PPARGC1A: variants seen among roughly 807,000 people sequenced by gnomAD.
The protein encoded by PPARGC1A is PPARG coactivator 1 alpha.
In PPARGC1A, 25 loss-of-function variants were observed where a neutral mutation model predicts 88.7. The observed-to-expected ratio is 0.28, with a 90% CI of 0.21 to 0.39. PPARGC1A has a LOEUF of 0.39. PPARGC1A is among the 10% of genes least tolerant of loss of function. The probability of loss-of-function intolerance (pLI) is 1.00; values close to 1 mark genes in which losing one functional copy is unlikely to be tolerated. For synonymous variants in PPARGC1A, 363 were observed against 355.6 expected (o/e 1.02, Z -0.24); for missense variants, 880 against 968.7 (o/e 0.91, Z 1.22).
At chr4:24,320,287 A>T in the PPARGC1A span, among the ~76,000 whole-genome samples, 1 of 152,212 alleles carries the variant, frequency 6.6e-6, no homozygotes, top group Non-Finnish European at 1.5e-5. Context: ...GAAGGAAGAA[A>T]AGTTTGTATC....
At chr4:23,906,607 CAAAAA>C (rs35171233), upstream of PPARGC1A, among the ~76,000 whole-genome samples, 2 of 63,726 alleles carry the variant, frequency 3.1e-5, no homozygotes, top group African/African-American at 8.6e-5. Flanking sequence ...CTCTGTCTCA[CAAAAA>C]AAAAAAAAAA....
the PPARGC1A span, among the ~76,000 whole-genome samples, chr4:24,164,630 T>A: frequency 2.0e-5 from 3 of 152,278 alleles, no homozygotes; most frequent in East Asian, 5.8e-4. Flanking sequence ...AAGGGGTTGA[T>A]TTGATTTTGT....
At chr4:24,175,550 T>TC in the PPARGC1A span, among the ~76,000 whole-genome samples, 1 of 146,358 alleles carries the variant, frequency 6.8e-6, no homozygotes, top group African/African-American at 2.5e-5. Context: ...TTTTTTTTTT[T>TC]TTTTTTTTTG....
intron 2 of PPARGC1A, among the ~76,000 whole-genome samples, chr4:23,872,857 G>T (rs933060415): frequency 1.3e-5 from 2 of 152,148 alleles, no homozygotes; most frequent in Non-Finnish European, 2.9e-5. Flanking sequence ...TGTTGCAAAA[G>T]TTGGAAACTG....
chr4:24,021,770 T>C, the PPARGC1A span, among the ~76,000 whole-genome samples: 3 of 152,154 alleles, frequency 2.0e-5, no homozygotes, highest in East Asian at 5.8e-4. Context: ...ACAGGAGAAG[T>C]GTTCAGCACA....
the PPARGC1A span, among the ~76,000 whole-genome samples, chr4:24,181,070 C>T: frequency 6.6e-6 from 1 of 152,102 alleles, no homozygotes; most frequent in Non-Finnish European, 1.5e-5. Flanking sequence ...CAATTACTGC[C>T]CAAATTCAAG....
the PPARGC1A span, among the ~76,000 whole-genome samples, chr4:24,199,028 C>T: frequency 2.0e-5 from 3 of 152,142 alleles, no homozygotes; most frequent in Non-Finnish European, 4.4e-5. Flanking sequence ...TCTCTGCCAC[C>T]CTACTCTTCC....
chr4:23,911,734 A>G, the PPARGC1A span, among the ~76,000 whole-genome samples: 1 of 152,346 alleles, frequency 6.6e-6, no homozygotes, highest in East Asian at 1.9e-4. Context: ...ATATATATAT[A>G]TACTAACATG....
chr4:24,014,411 A>T, the PPARGC1A span, among the ~76,000 whole-genome samples: 2 of 152,198 alleles, frequency 1.3e-5, no homozygotes, highest in African/African-American at 4.8e-5. Flanking sequence ...ATTTTCTCTC[A>T]TTGCATCACT....
the PPARGC1A span, among the ~76,000 whole-genome samples, chr4:24,189,136 G>A: frequency 6.6e-6 from 1 of 152,060 alleles, no homozygotes; most frequent in Non-Finnish European, 1.5e-5. Context: ...GGTTGCCAGG[G>A]GTTAGGGGTT....
chr4:24,333,922 A>C, the PPARGC1A span, among the ~76,000 whole-genome samples: 9 of 122,788 alleles, frequency 7.3e-5, no homozygotes, highest in African/African-American at 2.7e-4. Context: ...CAACAGAGGA[A>C]GACTCCAACA....
chr4:23,814,738 G>C, intron 7 of PPARGC1A, 133 bp from the exon 8 acceptor site: 1 of 848,058 alleles, frequency 1.2e-6, no homozygotes, highest in Non-Finnish European at 1.7e-6. Context: ...GAGTGAAGAA[G>C]AAGGAAACTA....
the PPARGC1A span, among the ~76,000 whole-genome samples, chr4:24,150,271 G>T: frequency 6.6e-6 from 1 of 152,122 alleles, no homozygotes. Flanking sequence ...ACTCACTGTG[G>T]GATTTGCAAT....
chr4:23,906,803 G>A (rs1720104662), upstream of PPARGC1A, among the ~76,000 whole-genome samples: 1 of 152,004 alleles, frequency 6.6e-6, no homozygotes, highest in Admixed American at 6.6e-5. Flanking sequence ...AATATGAAAA[G>A]GGTCACATGG....
chr4:24,222,973 A>T, the PPARGC1A span, among the ~76,000 whole-genome samples: 1 of 152,190 alleles, frequency 6.6e-6, no homozygotes, highest in Non-Finnish European at 1.5e-5. Flanking sequence ...TAAGCAAAAA[A>T]TTATAATACC....
chr4:23,836,157 G>C (rs914133049), intron 2 of PPARGC1A, among the ~76,000 whole-genome samples: 2 of 152,114 alleles, frequency 1.3e-5, no homozygotes, highest in Non-Finnish European at 2.9e-5. Flanking sequence ...GGGGAAAAAA[G>C]AAAAGAAAAT....
At chr4:24,078,613 G>A in the PPARGC1A span, among the ~76,000 whole-genome samples, 57 of 152,112 alleles carry the variant, frequency 3.7e-4, no homozygotes, top group East Asian at 9.5e-3. Context: ...ACTCTGACCC[G>A]TATCTCACCT....
At chr4:23,804,428 T>C (rs1719383304) in intron 10 of PPARGC1A, among the ~76,000 whole-genome samples, 1 of 152,240 alleles carries the variant, frequency 6.6e-6, no homozygotes, top group Non-Finnish European at 1.5e-5. Context: ...CTTCTCTTTC[T>C]GGACTAGTAT....
chr4:24,295,718 C>T, the PPARGC1A span, among the ~76,000 whole-genome samples: 4,869 of 149,028 alleles, frequency 0.033, 284 homozygotes, highest in African/African-American at 0.11. Context: ...TACACATATA[C>T]GTATTATATG....
Sources: allele counts gnomAD v4.1 joint callset (sites outside exome capture counted in the v4.1 genomes callset), GRCh38; gene constraint gnomAD v4.1.1; transcripts MANE v1.5; gene names NCBI Gene and HGNC (gene_info 2026-07-23, HGNC 2026-07-21).